Variants in OPRM1 observed in about 807,000 individuals in gnomAD.
The protein encoded by OPRM1 is mu-type opioid receptor.
OPRM1 carries 27 observed loss-of-function variants against 31.8 expected under a neutral mutation model. The observed-to-expected ratio is 0.85, with a 90% confidence interval of 0.63 to 1.17. The LOEUF is 1.17. OPRM1 is among the 50% of genes most tolerant of loss of function. The pLI is 0.00. For synonymous variants in OPRM1, 196 were observed against 189.9 expected (o/e 1.03, Z -0.26); for missense variants, 536 against 511.1 (o/e 1.05, Z -0.47).
intron 3 of OPRM1, among the ~76,000 whole-genome samples, chr6:154,239,550 C>T (rs997035110): frequency 2.0e-5 from 3 of 152,154 alleles, no homozygotes; most frequent in Admixed American, 6.5e-5. Context: ...TGCGGTAAAC[C>T]GGTCACCTAC....
intron 3 of OPRM1, among the ~76,000 whole-genome samples, chr6:154,106,295 C>G (rs979638096): frequency 6.6e-6 from 1 of 152,190 alleles, no homozygotes; most frequent in Non-Finnish European, 1.5e-5. Flanking sequence ...TAACTCTTAG[C>G]AACTTCTATT....
At chr6:154,151,763 G>C (rs1798504881) in intron 3 of OPRM1, among the ~76,000 whole-genome samples, 1 of 152,144 alleles carries the variant, frequency 6.6e-6, no homozygotes, top group Non-Finnish European at 1.5e-5. Context: ...GCTCAGAAGA[G>C]ACTTCTGGGT....
intron 1 of OPRM1, among the ~76,000 whole-genome samples, chr6:154,015,644 T>A (rs1407290438): frequency 6.6e-6 from 1 of 151,812 alleles, no homozygotes; most frequent in African/African-American, 2.4e-5. Context: ...CAGGAAAAAA[T>A]TGATGAATAT....
At chr6:154,106,620 G>A (rs935295136) in intron 3 of OPRM1, among the ~76,000 whole-genome samples, 1 of 152,186 alleles carries the variant, frequency 6.6e-6, no homozygotes, top group African/African-American at 2.4e-5. Context: ...TGGACTTTCT[G>A]ACTTGCCCTA....
chr6:154,109,788 C>CTGTGTGTGTG lies in OPRM1; in HGVS notation c.1165-8894_1165-8893insGTGTGTGTGT, dbSNP rs1462157057. 5.4e-3 allele frequency among the ~76,000 whole-genome samples: 557 copies of CTGTGTGTGTG among 103,810 alleles called. 2 individuals carry two copies. The highest frequency in any genetic ancestry group is 0.018 in the African/African-American group (539 of 30,200). 68.1% of individuals were successfully genotyped at this position (103,810 alleles called of 152,430 possible). On this transcript the variant is annotated intron_variant, in intron 3 of 3. Coordinates refer to ENST00000330432, the MANE Select transcript of OPRM1 (RefSeq NM_000914.5). The stretch of plus-strand genomic sequence containing the variant: ...TCTCCCTCTCTCTCTCTCTCTCTCT[C>CTGTGTGTGTG]TCTCTGTGTGTGTGTGTGTGTGTGT...
At chr6:154,144,220 C>T (rs1798299510) in intron 3 of OPRM1, among the ~76,000 whole-genome samples, 1 of 152,166 alleles carries the variant, frequency 6.6e-6, no homozygotes, top group South Asian at 2.1e-4. Context: ...GATAATTTCA[C>T]TGAAGACTTC....
intron 1 of OPRM1, among the ~76,000 whole-genome samples, chr6:154,060,814 C>G (rs1457090777): frequency 6.6e-6 from 1 of 152,094 alleles, no homozygotes; most frequent in East Asian, 1.9e-4. Flanking sequence ...TTAAGAAATC[C>G]AGATTCATCT....
chr6:154,080,943 CTTCT>C (rs1204905178), intron 1 of OPRM1, among the ~76,000 whole-genome samples: 1 of 152,118 alleles, frequency 6.6e-6, no homozygotes, highest in Non-Finnish European at 1.5e-5. Flanking sequence ...CTTGTTGATC[CTTCT>C]TTCTAACAAT....
chr6:154,112,547 G>A (rs1398423177), intron 3 of OPRM1, among the ~76,000 whole-genome samples: 3 of 152,158 alleles, frequency 2.0e-5, no homozygotes, highest in African/African-American at 7.2e-5. Context: ...CCTTCCCCAG[G>A]AGCCAGAGTC....
chr6:154,074,891 A>G (rs1309219824), intron 1 of OPRM1, among the ~76,000 whole-genome samples: 1 of 152,194 alleles, frequency 6.6e-6, no homozygotes, highest in East Asian at 1.9e-4. Context: ...AAATGTATCT[A>G]TTAAAGGTAG....
intron 1 of OPRM1, among the ~76,000 whole-genome samples, chr6:154,070,889 G>T (rs1786561543): frequency 1.3e-5 from 2 of 152,138 alleles, no homozygotes; most frequent in South Asian, 2.1e-4. Context: ...TAAGCAGTTG[G>T]TATGACTCAG....
chr6:154,107,529 G>A (rs1216383688), intron 3 of OPRM1: 1 of 718,522 alleles, frequency 1.4e-6, no homozygotes, highest in Admixed American at 2.0e-5. Flanking sequence ...TACAATGCAG[G>A]GCAGTCTCCA....
At chr6:154,209,656 A>C (rs1490728333) in intron 3 of OPRM1, among the ~76,000 whole-genome samples, 3 of 151,966 alleles carry the variant, frequency 2.0e-5, no homozygotes, top group African/African-American at 7.2e-5. Context: ...AAAAAAAAAA[A>C]AAAAAGTTAC....
intron 3 of OPRM1, chr6:154,154,379 G>C (rs998680368): frequency 6.6e-6 from 1 of 152,292 alleles, no homozygotes; most frequent in African/African-American, 2.4e-5. Flanking sequence ...AATACAATGT[G>C]CAAGTCAAAT....
rs1797635553 is a variant in OPRM1 at position 154,127,113 on chromosome 6, A to G, written c.*8392A>G. On this transcript the variant is annotated 3_prime_UTR_variant, in exon 4 of 4. Transcript: ENST00000330432. ...AACAGAATGAGATTGTCTCAAAAAA[A>G]AAAAAAAGTGCCACATGCCATGCTA... 1.3e-5 allele frequency among the ~76,000 whole-genome samples: 2 copies of G among 151,738 alleles called. No homozygotes were observed. Among genetic ancestry groups the G allele is most frequent in the African/African-American group, 4.8e-5 (2 of 41,286 alleles).
intron 3 of OPRM1, 78 bp from the exon 4 acceptor site, chr6:154,118,605 G>T: frequency 7.1e-7 from 1 of 1,408,048 alleles, no homozygotes; most frequent in South Asian, 1.2e-5. Flanking sequence ...CAGTTCTTAC[G>T]AGCAGAAGAT....
rs1797561418 is a variant in OPRM1, at chr6:154,125,822, A to G, written c.*7101A>G. ...TTTTTTTTTTTTTTTTTTTTTTTTG[A>G]GACAGAGTCTCGCTCTGTCGCCCAG... is the stretch of plus-strand genomic sequence containing the variant. On this transcript the variant is annotated 3_prime_UTR_variant, in exon 4 of 4. Coordinates refer to ENST00000330432, the MANE Select transcript of OPRM1 (RefSeq NM_000914.5). Among the ~76,000 whole-genome samples, 1 of 1,560 alleles carries G rather than the reference A, an allele frequency of 6.4e-4. No individual in the cohort carries two copies. Among genetic ancestry groups the G allele is most frequent in the African/African-American group, 8.1e-4 (1 of 1,230 alleles). 1.0% of individuals were successfully genotyped at this position (1,560 alleles called of 152,430 possible).
chr6:154,226,510 C>A (rs1169379896), intron 3 of OPRM1, among the ~76,000 whole-genome samples: 1 of 152,122 alleles, frequency 6.6e-6, no homozygotes, highest in Non-Finnish European at 1.5e-5. Context: ...GGTGCCCATG[C>A]AGGTAAACTC....
At chr6:154,197,008 C>A (rs1776673484) in intron 3 of OPRM1, among the ~76,000 whole-genome samples, 1 of 152,138 alleles carries the variant, frequency 6.6e-6, no homozygotes, top group African/African-American at 2.4e-5. Flanking sequence ...CTGCTTGTTT[C>A]AGGACTCAGT....
Sources: gnomAD v4.1 joint callset for allele counts (sites outside exome capture counted in the v4.1 genomes callset) on GRCh38, gnomAD v4.1.1 for gene constraint, MANE v1.5 for transcripts, NCBI Gene and HGNC (gene_info 2026-07-23, HGNC 2026-07-21) for gene names.